INPP4B: variants seen among roughly 807,000 people sequenced by gnomAD.
INPP4B encodes the protein inositol polyphosphate-4-phosphatase type II B.
In INPP4B, 55 loss-of-function variants were observed where a neutral mutation model predicts 122.5. That is an observed-to-expected ratio of 0.45 (90% CI 0.36 to 0.56). The LOEUF (loss-of-function observed/expected upper bound fraction) is 0.56. Ranked by LOEUF, INPP4B falls within the 20% of genes least tolerant of loss-of-function variation. INPP4B has a pLI of 0.00. For synonymous variants in INPP4B, 403 were observed against 388.7 expected, an observed-to-expected ratio of 1.04 and a Z score of -0.43; for missense variants, 1,000 against 1,097.7, an observed-to-expected ratio of 0.91 and a Z score of 1.26.
chr4:142,454,226 A>G (rs1814915313), intron 3 of INPP4B, among the ~76,000 whole-genome samples: 1 of 152,104 alleles, frequency 6.6e-6, no homozygotes, highest in Non-Finnish European at 1.5e-5. Flanking sequence ...AATTCATGCC[A>G]TATGAATTTA....
rs909172308 is a variant in INPP4B at position 142,027,786 on chromosome 4, C to A, written c.*996G>T. ...TTATTTTGCTGAGTAAGGGCAAGGGCAAGTTTGATATTCAGGGCAACAGAA... is the reference window on the plus strand; with the variant it reads ...TTATTTTGCTGAGTAAGGGCAAGGGAAAGTTTGATATTCAGGGCAACAGAA... On this transcript the variant is annotated 3_prime_UTR_variant, in exon 26 of 26. Transcript: ENST00000262992. 1 of 160,638 alleles carries A rather than the reference C, an allele frequency of 6.2e-6. No individual in the cohort carries two copies. Among genetic ancestry groups the A allele is most frequent in the Admixed American group, 6.5e-5 (1 of 15,474 alleles). The allele number at this position is 160,638 out of a possible 1,614,324, so 10.0% of individuals were successfully genotyped here.
intron 3 of INPP4B, among the ~76,000 whole-genome samples, chr4:142,451,313 T>C (rs574734194): frequency 2.2e-4 from 32 of 143,744 alleles, no homozygotes; most frequent in Non-Finnish European, 3.6e-4. Flanking sequence ...TGCAGTGGCA[T>C]GATCACGACT....
chr4:142,579,367 A>C (rs1287385693), intron 2 of INPP4B, among the ~76,000 whole-genome samples: 1 of 151,954 alleles, frequency 6.6e-6, no homozygotes, highest in Non-Finnish European at 1.5e-5. Flanking sequence ...CAAGTGTGCA[A>C]AGAAGGAAAG....
chr4:142,832,253 AT>A (rs1782236901), intron 1 of INPP4B, among the ~76,000 whole-genome samples: 6 of 152,202 alleles, frequency 3.9e-5, no homozygotes, highest in Admixed American at 3.3e-4. Context: ...CAAAGCTCTC[AT>A]GAAAAGCAAC....
intron 2 of INPP4B, among the ~76,000 whole-genome samples, chr4:142,714,586 C>A (rs1442772372): frequency 6.6e-6 from 1 of 152,070 alleles, no homozygotes; most frequent in Non-Finnish European, 1.5e-5. Context: ...ATATTATTTC[C>A]CTGATTCTAT....
chr4:142,145,447 T>G (rs568380496), intron 18 of INPP4B, among the ~76,000 whole-genome samples: 1 of 152,174 alleles, frequency 6.6e-6, no homozygotes, highest in Non-Finnish European at 1.5e-5. Context: ...TACATTCTGT[T>G]AAGAAACCAC....
At chr4:142,030,305 G>A in intron 25 of INPP4B, 1 of 1,533,574 alleles carries the variant, frequency 6.5e-7, no homozygotes, top group South Asian at 1.2e-5. Flanking sequence ...TTTGTCTGCT[G>A]TTAAATGAGG....
At chr4:142,631,199 A>G (rs1418008453) in intron 2 of INPP4B, among the ~76,000 whole-genome samples, 4 of 152,108 alleles carry the variant, frequency 2.6e-5, no homozygotes, top group Non-Finnish European at 2.9e-5. Context: ...TTATGTTCAA[A>G]GAGACAGAAG....
intron 16 of INPP4B, among the ~76,000 whole-genome samples, chr4:142,170,065 A>T (rs893240728): frequency 4.6e-5 from 7 of 151,536 alleles, no homozygotes; most frequent in East Asian, 1.9e-4. Flanking sequence ...TCCTTCATAG[A>T]ATTGCATACT....
At chr4:142,162,550 CCTT>C (rs1820626637) in intron 16 of INPP4B, among the ~76,000 whole-genome samples, 1 of 151,870 alleles carries the variant, frequency 6.6e-6, no homozygotes, top group Non-Finnish European at 1.5e-5. Context: ...AAACAACTTG[CCTT>C]CTTTGAATTC....
chr4:142,328,612 AAC>A (rs1561861170), intron 7 of INPP4B, among the ~76,000 whole-genome samples: 1 of 152,212 alleles, frequency 6.6e-6, no homozygotes, highest in Non-Finnish European at 1.5e-5. Context: ...AAAAATATAA[AAC>A]AGTGTCACTG....
At chr4:142,823,060 C>G (rs780919976) in intron 1 of INPP4B, among the ~76,000 whole-genome samples, 2 of 152,128 alleles carry the variant, frequency 1.3e-5, no homozygotes, top group Non-Finnish European at 2.9e-5. Flanking sequence ...GGGTGACACA[C>G]TGGCAGTAAA....
intron 25 of INPP4B, among the ~76,000 whole-genome samples, chr4:142,068,369 G>A (rs757877957): frequency 2.6e-5 from 4 of 152,186 alleles, no homozygotes; most frequent in Non-Finnish European, 5.9e-5. Context: ...ACCAGCCACT[G>A]CAAAAACATG....
intron 2 of INPP4B, among the ~76,000 whole-genome samples, chr4:142,635,398 A>T (rs755149239): frequency 3.9e-5 from 6 of 152,174 alleles, no homozygotes; most frequent in Non-Finnish European, 8.8e-5. Flanking sequence ...CCATAAAGAC[A>T]CATGCACATT....
intron 2 of INPP4B, among the ~76,000 whole-genome samples, chr4:142,599,437 A>C (rs1739404255): frequency 6.6e-6 from 1 of 152,204 alleles, no homozygotes; most frequent in African/African-American, 2.4e-5. Context: ...CAGCCACAAA[A>C]AATCATACAG....
chr4:142,661,678 A>G (rs1178404300), intron 2 of INPP4B, among the ~76,000 whole-genome samples: 1 of 152,220 alleles, frequency 6.6e-6, no homozygotes, highest in Admixed American at 6.5e-5. Context: ...GATCTTAAGG[A>G]TGACTATTTA....
chr4:142,037,618 A>C (rs567488437), intron 25 of INPP4B, among the ~76,000 whole-genome samples: 1 of 152,196 alleles, frequency 6.6e-6, no homozygotes, highest in Admixed American at 6.5e-5. Context: ...ATTTAATTAC[A>C]TGCTTCAAGT....
chr4:142,069,396 A>G (rs922952151), intron 25 of INPP4B, among the ~76,000 whole-genome samples: 2 of 152,146 alleles, frequency 1.3e-5, no homozygotes, highest in Non-Finnish European at 2.9e-5. Flanking sequence ...ATCTAAAATC[A>G]ACACCTTAAC....
intron 2 of INPP4B, among the ~76,000 whole-genome samples, chr4:142,510,722 C>T (rs1824609384): frequency 6.6e-6 from 1 of 152,058 alleles, no homozygotes; most frequent in Non-Finnish European, 1.5e-5. Context: ...TTGTATTTGT[C>T]TTACTCCTTA....
Sources: allele counts gnomAD v4.1 joint callset (sites outside exome capture counted in the v4.1 genomes callset), GRCh38; gene constraint gnomAD v4.1.1; transcripts MANE v1.5; gene names NCBI Gene and HGNC (gene_info 2026-07-23, HGNC 2026-07-21).